The following DPP10 variants were observed in gnomAD, a reference collection of about 807,000 sequenced individuals.
DPP10 encodes inactive dipeptidyl peptidase 10.
Under a neutral mutation model 120.9 loss-of-function variants are expected in DPP10, and 33 were observed. The ratio of observed to expected loss-of-function variants is 0.27; its 90% CI spans 0.21 to 0.37. The LOEUF (loss-of-function observed/expected upper bound fraction) is 0.37, where lower values mean the gene tolerates loss of function less well. Ranked by LOEUF, DPP10 falls within the 10% of genes least tolerant of loss-of-function variation. The pLI is 1.00. For missense variants in DPP10, 816 were observed against 942.8 expected (o/e 0.87, Z 1.76); for synonymous variants, 337 against 326.1 (o/e 1.03, Z -0.36).
intron 5 of DPP10, among the ~76,000 whole-genome samples, chr2:115,545,005 A>G (rs561918465): frequency 2.0e-5 from 3 of 152,016 alleles, no homozygotes; most frequent in Non-Finnish European, 4.4e-5. Flanking sequence ...GAGAAATGAC[A>G]GTGATTTTTA....
intron 1 of DPP10, among the ~76,000 whole-genome samples, chr2:115,010,879 T>C (rs1052422799): frequency 7.9e-5 from 12 of 152,136 alleles, no homozygotes; most frequent in African/African-American, 2.9e-4. Context: ...ACCTGAAAGA[T>C]TGATGCAGAA....
intron 1 of DPP10, among the ~76,000 whole-genome samples, chr2:114,577,283 C>T (rs1690128881): frequency 6.6e-6 from 1 of 152,188 alleles, no homozygotes; most frequent in Admixed American, 6.5e-5. Flanking sequence ...TCAAAGAGCA[C>T]ACACTTGGTG....
chr2:115,545,201 T>G (rs902615843), intron 5 of DPP10, among the ~76,000 whole-genome samples: 1 of 152,108 alleles, frequency 6.6e-6, no homozygotes, highest in Non-Finnish European at 1.5e-5. Flanking sequence ...TCCAAAAAAG[T>G]TGGTAAAAGA....
chr2:115,484,509 A>T (rs747772447), intron 3 of DPP10, among the ~76,000 whole-genome samples: 3 of 152,118 alleles, frequency 2.0e-5, no homozygotes, highest in Non-Finnish European at 2.9e-5. Context: ...TGGACCATCT[A>T]TGACCAATGA....
At chr2:114,570,578 CAT>C (rs1689556844) in intron 1 of DPP10, among the ~76,000 whole-genome samples, 1 of 151,776 alleles carries the variant, frequency 6.6e-6, no homozygotes, top group Admixed American at 6.6e-5. Context: ...GTAATCCCAG[CAT>C]GTTGGGAGGC....
intron 5 of DPP10, among the ~76,000 whole-genome samples, chr2:115,581,638 T>C (rs1011656751): frequency 6.6e-6 from 1 of 152,176 alleles, no homozygotes; most frequent in Non-Finnish European, 1.5e-5. Flanking sequence ...ATCTGCAAAT[T>C]CCTGTATTAC....
Position 115,309,271 on chromosome 2 carries a change from C to G in DPP10, c.93C>G (p.Asn31Lys), listed in dbSNP as rs770879585. The change falls in exon 2 of 26, where the codon AAC (asparagine) becomes AAG (lysine). Residue 31 changes from asparagine to lysine, a missense_variant. By Grantham distance (94) the Asn-to-Lys change is moderately conservative. This residue lies in a region of DPP10 where 182 missense variants were observed against 207.4 expected (regional missense o/e 0.88). Coordinates refer to ENST00000410059, the MANE Select transcript of DPP10 (RefSeq NM_020868.6). ...ELGSNSPPQR[N>K]WKGIAIALLV... Reference sequence around the variant, plus strand: ...GAAGTAACAGCCCTCCACAGAGAAACTGGAAGGGAATTGCTATTGCTCTGC... The same window carrying G: ...GAAGTAACAGCCCTCCACAGAGAAAGTGGAAGGGAATTGCTATTGCTCTGC... 1 of 1,613,336 alleles carries G rather than the reference C, an allele frequency of 6.2e-7. No individual in the cohort carries two copies.
chr2:114,985,822 A>T (rs2104889283), intron 1 of DPP10, among the ~76,000 whole-genome samples: 1 of 152,336 alleles, frequency 6.6e-6, no homozygotes, highest in South Asian at 2.1e-4. Flanking sequence ...TGTAATGTCT[A>T]CAGCTTTATC....
intron 1 of DPP10, among the ~76,000 whole-genome samples, chr2:114,906,839 G>A (rs187232213): frequency 2.6e-5 from 4 of 152,148 alleles, no homozygotes; most frequent in South Asian, 4.2e-4. Context: ...GTGTTGTTTG[G>A]TGTCAAGGCC....
intron 5 of DPP10, among the ~76,000 whole-genome samples, chr2:115,637,529 A>G (rs1366963202): frequency 6.6e-6 from 1 of 152,190 alleles, no homozygotes; most frequent in Non-Finnish European, 1.5e-5. Context: ...GGCAACAGTG[A>G]CAGAATAAAG....
chr2:114,670,460 CAT>C (rs1380290255), intron 1 of DPP10, among the ~76,000 whole-genome samples: 1 of 150,548 alleles, frequency 6.6e-6, no homozygotes, highest in Non-Finnish European at 1.5e-5. Flanking sequence ...TGTTCTCACT[CAT>C]AGATGGAAAT....
chr2:115,246,789 A>T lies in DPP10; in HGVS notation c.61-62450A>T, dbSNP rs1190891813. Among the ~76,000 whole-genome samples the T allele has an allele frequency of 2.0e-5, 3 of 152,146 alleles. No individual in the cohort carries two copies. In the East Asian group the frequency reaches 5.8e-4, roughly 29 times the overall value. ...TACCCATTATTATACAATGCTACAT[A>T]TTCTGATAGTAAAATAAGTATAACC... On this transcript the variant is annotated intron_variant, in intron 1 of 25. Coordinates refer to ENST00000410059, the MANE Select transcript of DPP10 (RefSeq NM_020868.6).
At position 114,622,766 on chromosome 2, in the gene DPP10, C is replaced by T. The variant is rs551025889; in HGVS notation, c.60+179928C>T. Among the ~76,000 whole-genome samples the T allele has an allele frequency of 1.1e-3, 165 of 152,016 alleles. 1 individual carries two copies. The highest frequency in any genetic ancestry group is 3.8e-3 in the African/African-American group (158 of 41,476). ...TGGTTTTTAGTTGCCACCTTGCTAC[C>T]GAAAAATGAGAGGGTATTTGAGAAA... On this transcript the variant is annotated intron_variant, in intron 1 of 25. Transcript: ENST00000410059.
chr2:115,125,634 T>G (rs2050037990), intron 1 of DPP10, among the ~76,000 whole-genome samples: 1 of 145,860 alleles, frequency 6.9e-6, no homozygotes, highest in East Asian at 2.2e-4. Context: ...TGCAGTGGCA[T>G]GATCTTGGCT....
At chr2:114,706,016 G>A (rs1700665140) in intron 1 of DPP10, among the ~76,000 whole-genome samples, 1 of 152,142 alleles carries the variant, frequency 6.6e-6, no homozygotes. Flanking sequence ...TGTTTAGTAG[G>A]TTTATGGAGT....
intron 7 of DPP10, among the ~76,000 whole-genome samples, chr2:115,713,174 A>G (rs949401260): frequency 6.6e-6 from 1 of 152,150 alleles, no homozygotes. Context: ...GGTAGCAATG[A>G]GCATCTTGAG....
At chr2:114,826,994 G>A (rs1201564309) in intron 1 of DPP10, among the ~76,000 whole-genome samples, 2 of 152,094 alleles carry the variant, frequency 1.3e-5, no homozygotes, top group African/African-American at 4.8e-5. Context: ...TGGGTATCAG[G>A]AAGCACATCT....
intron 1 of DPP10, among the ~76,000 whole-genome samples, chr2:115,159,912 G>A (rs1032382613): frequency 6.6e-6 from 1 of 152,154 alleles, no homozygotes; most frequent in African/African-American, 2.4e-5. Flanking sequence ...CTGTGTGACA[G>A]ATATCTCTGT....
chr2:115,721,948 C>A (rs557213455), intron 7 of DPP10, among the ~76,000 whole-genome samples: 54 of 152,200 alleles, frequency 3.5e-4, no homozygotes, highest in South Asian at 1.9e-3. Flanking sequence ...CAATATGCAA[C>A]AACACAAATG....
Sources: allele counts gnomAD v4.1 joint callset (sites outside exome capture counted in the v4.1 genomes callset), GRCh38; gene constraint gnomAD v4.1.1; regional missense constraint gnomAD v4.1.1; transcripts MANE v1.5; gene names NCBI Gene and HGNC (gene_info 2026-07-23, HGNC 2026-07-21).